The following TCEA1 variants were observed in gnomAD, a reference collection of about 807,000 sequenced individuals.
The protein encoded by TCEA1 is transcription elongation factor A protein 1.
TCEA1 carries 21 observed loss-of-function variants against 43.8 expected under a neutral mutation model. The ratio of observed to expected loss-of-function variants is 0.48; its 90% confidence interval spans 0.34 to 0.69. TCEA1 has a LOEUF of 0.69. Among genes scored for constraint, TCEA1 ranks in the 30% least tolerant of loss-of-function variants. TCEA1 has a pLI of 0.01. For synonymous variants in TCEA1, 104 were observed against 117.5 expected (o/e 0.88, Z 0.75); for missense variants, 250 against 365.1 (o/e 0.68, Z 2.57).
At chr8:54,005,824 C>T (rs540969764) in intron 2 of TCEA1, among the ~76,000 whole-genome samples, 48 of 152,302 alleles carry the variant, frequency 3.2e-4, no homozygotes, top group African/African-American at 9.9e-4. Flanking sequence ...TCACATACTC[C>T]CCTGCCTAAC....
At chr8:53,999,921 T>C (rs779400625) in intron 3 of TCEA1, 24 bp downstream of exon 3, 15 of 1,356,996 alleles carry the variant, frequency 1.1e-5, no homozygotes, top group Admixed American at 1.9e-5. Flanking sequence ...ATCATAAATA[T>C]ATGTAAGGGA....
intron 2 of TCEA1, among the ~76,000 whole-genome samples, chr8:54,004,415 T>G (rs1804373325): frequency 6.6e-6 from 1 of 152,126 alleles, no homozygotes; most frequent in Non-Finnish European, 1.5e-5. Flanking sequence ...ATGTGAAATA[T>G]CCATGCAACT....
chr8:54,021,875 A>T (rs2129316327), intron 1 of TCEA1, 188 bp downstream of exon 1: 1 of 437,900 alleles, frequency 2.3e-6, no homozygotes. Flanking sequence ...AGCGGGTCCT[A>T]ACGCAGGTTG....
At chr8:53,997,490 T>C (rs1804097986) in intron 3 of TCEA1, among the ~76,000 whole-genome samples, 1 of 152,202 alleles carries the variant, frequency 6.6e-6, no homozygotes, top group African/African-American at 2.4e-5. Flanking sequence ...ACTCTGGATA[T>C]GATACCTTGA....
chr8:53,968,187 C>T lies in TCEA1; in HGVS notation c.898-75G>A. 8 of 1,115,292 alleles carry T rather than the reference C, an allele frequency of 7.2e-6. No homozygotes were observed. The East Asian group carries it at 1.1e-4, about 15-fold the overall frequency. 69.1% of individuals were successfully genotyped at this position (1,115,292 alleles called of 1,614,324 possible). ...TACATTCCCCATTTAATACAGCATA[C>T]ACCTGATATTGCTTTTAAAAAAGAT... On this transcript the variant is annotated intron_variant, in intron 9 of 9. Coordinates refer to ENST00000521604, the MANE Select transcript of TCEA1 (RefSeq NM_006756.4).
chr8:53,988,888 G>A (rs894815475), intron 4 of TCEA1, among the ~76,000 whole-genome samples: 2 of 152,168 alleles, frequency 1.3e-5, no homozygotes, highest in Non-Finnish European at 2.9e-5. Flanking sequence ...GGGCAAAATG[G>A]TGAAACCCCG....
chr8:54,006,041 G>C (rs1804425849), intron 2 of TCEA1, among the ~76,000 whole-genome samples: 1 of 152,156 alleles, frequency 6.6e-6, no homozygotes, highest in Non-Finnish European at 1.5e-5. Flanking sequence ...TATCTGCTGA[G>C]GGAGAACCTA....
chr8:53,979,578 T>C (rs918561483), intron 7 of TCEA1, among the ~76,000 whole-genome samples: 1 of 152,230 alleles, frequency 6.6e-6, no homozygotes, highest in African/African-American at 2.4e-5. Context: ...TAACAGTCCT[T>C]CCCTAAAATC....
rs186639608 is a variant in TCEA1, at chr8:54,019,546, G to A, written c.63+2517C>T. On this transcript the variant is annotated intron_variant, in intron 1 of 9. Transcript: ENST00000521604. ...GATTGCACCACTGCACTCTAGCCTGGGTAACAGAGTGACACTGTCTCAAAA... is the reference window on the plus strand; with the variant it reads ...GATTGCACCACTGCACTCTAGCCTGAGTAACAGAGTGACACTGTCTCAAAA... Among the ~76,000 whole-genome samples, 308 of 150,154 alleles carry A rather than the reference G, an allele frequency of 2.1e-3. 1 individual carries two copies. Among genetic ancestry groups the A allele is most frequent in the African/African-American group, 7.2e-3 (292 of 40,666 alleles).
chr8:53,968,316 T>C (rs756618551), intron 9 of TCEA1, among the ~76,000 whole-genome samples: 2 of 152,126 alleles, frequency 1.3e-5, no homozygotes, highest in Non-Finnish European at 2.9e-5. Flanking sequence ...ACTAAAGAAC[T>C]TGTATAAAAC....
chr8:54,019,125 G>T (rs146459869), intron 1 of TCEA1, among the ~76,000 whole-genome samples: 53 of 152,270 alleles, frequency 3.5e-4, no homozygotes, highest in Non-Finnish European at 6.8e-4. Context: ...TCAATAAATG[G>T]TAAGCTGTTT....
intron 1 of TCEA1, among the ~76,000 whole-genome samples, chr8:54,016,995 A>G (rs1262476437): frequency 6.6e-6 from 1 of 151,612 alleles, no homozygotes; most frequent in Non-Finnish European, 1.5e-5. Flanking sequence ...AAAAAAAAAA[A>G]AAAAAGACTA....
chr8:54,022,425 A>G lies in TCEA1; in HGVS notation c.-300T>C. The G allele has an allele frequency of 2.2e-6, 1 of 461,246 alleles. No individual in the cohort carries two copies. Among genetic ancestry groups the G allele is most frequent in the East Asian group, 4.3e-5 (1 of 23,244 alleles). The allele number at this position is 461,246 out of a possible 1,614,324, so 28.6% of individuals were successfully genotyped here. On this transcript the variant is annotated 5_prime_UTR_variant, in exon 1 of 10. Coordinates refer to ENST00000521604, the MANE Select transcript of TCEA1 (RefSeq NM_006756.4). ...GTTCCCGCCAGGCGGGCGTCGGGCT[A>G]GTGGGCAGGCGTGGCTTCCGGCTAG...
intron 3 of TCEA1, among the ~76,000 whole-genome samples, chr8:53,996,218 C>G (rs544139773): frequency 6.6e-6 from 1 of 152,350 alleles, no homozygotes; most frequent in South Asian, 2.1e-4. Context: ...GAGGCATGAA[C>G]AGCCTCAGAA....
chr8:53,997,214 T>A (rs1221988701), intron 3 of TCEA1, among the ~76,000 whole-genome samples: 1 of 152,070 alleles, frequency 6.6e-6, no homozygotes, highest in African/African-American at 2.4e-5. Context: ...GGCCAGAAGG[T>A]TCTTCTTCTA....
At chr8:53,968,167 T>TCC in intron 9 of TCEA1, 55 bp from the exon 10 acceptor site, 1 of 1,410,512 alleles carries the variant, frequency 7.1e-7, no homozygotes, top group Non-Finnish European at 9.7e-7. Flanking sequence ...TAAGGTACAT[T>TCC]CCCCATTTAA....
chr8:53,979,607 G>A (rs1324363046), intron 7 of TCEA1, among the ~76,000 whole-genome samples: 1 of 152,172 alleles, frequency 6.6e-6, no homozygotes, highest in Non-Finnish European at 1.5e-5. Flanking sequence ...CTTGTTCAGA[G>A]CCTGAGATCA....
chr8:54,018,452 T>C (rs1395579345), intron 1 of TCEA1, among the ~76,000 whole-genome samples: 4 of 152,198 alleles, frequency 2.6e-5, no homozygotes, highest in Non-Finnish European at 5.9e-5. Flanking sequence ...AAGCATTTTA[T>C]ATTCACTTAA....
intron 3 of TCEA1, among the ~76,000 whole-genome samples, chr8:53,994,852 C>T (rs1238135230): frequency 6.7e-6 from 1 of 149,210 alleles, no homozygotes. Flanking sequence ...GCCTGGGCAA[C>T]AGAACAAGAC....
Sources: gnomAD v4.1 joint callset for allele counts (sites outside exome capture counted in the v4.1 genomes callset) on GRCh38, gnomAD v4.1.1 for gene constraint, MANE v1.5 for transcripts, NCBI Gene and HGNC (gene_info 2026-07-23, HGNC 2026-07-21) for gene names.